The following TENM2 variants were observed in gnomAD, a reference collection of about 807,000 sequenced individuals.
The protein encoded by TENM2 is teneurin transmembrane protein 2, also known as teneurin-2.
TENM2 carries 52 observed loss-of-function variants against 245.2 expected under a neutral mutation model. The observed-to-expected ratio is 0.21, with a 90% CI of 0.17 to 0.27. TENM2 has a LOEUF of 0.27. TENM2 is among the 10% of genes least tolerant of loss of function. The pLI, the probability that TENM2 is intolerant of heterozygous loss-of-function variation, is 1.00. For synonymous variants in TENM2, 1,363 were observed against 1,438.9 expected, an observed-to-expected ratio of 0.95 and a Z score of 1.19; for missense variants, 3,046 against 3,666.8, an observed-to-expected ratio of 0.83 and a Z score of 4.37.
chr5:167,486,076 A>G (rs371827814), intron 2 of TENM2, among the ~76,000 whole-genome samples: 21 of 152,258 alleles, frequency 1.4e-4, no homozygotes, highest in East Asian at 1.4e-3. Flanking sequence ...GAGAAAAAAA[A>G]AATTATGGAA....
chr5:167,262,516 T>C, the TENM2 span, among the ~76,000 whole-genome samples: 1 of 152,088 alleles, frequency 6.6e-6, no homozygotes, highest in Admixed American at 6.6e-5. Context: ...GCATAATTGC[T>C]CCTTCTTTTC....
At position 167,643,058 on chromosome 5, in the gene TENM2, T is replaced by C. The variant is rs60540326; in HGVS notation, c.503-232928T>C. Reference sequence around the variant, plus strand: ...TCTCAAACAGCCTGCCCTGGAATTATTGTTAAATCATCTATGTATTAATTA... The same window carrying C: ...TCTCAAACAGCCTGCCCTGGAATTACTGTTAAATCATCTATGTATTAATTA... On this transcript the variant is annotated intron_variant, in intron 2 of 28. Coordinates refer to ENST00000518659, the Ensembl canonical transcript of TENM2. Among the ~76,000 whole-genome samples, 201 of 152,324 alleles carry C rather than the reference T, an allele frequency of 1.3e-3. 2 individuals are homozygous for C. The East Asian group carries it at 0.03, about 23-fold the overall frequency.
rs1756077099 is a variant in TENM2 at position 167,312,233 on chromosome 5, A to G, written c.226+27170A>G. 2.6e-5 allele frequency among the ~76,000 whole-genome samples: 4 copies of G among 152,252 alleles called. No homozygotes were observed. The South Asian group carries it at 6.2e-4, about 24-fold the overall frequency. The stretch of plus-strand genomic sequence containing the variant: ...TACTTATATATTTGTGTTCATGAAC[A>G]TACATAACATCATAATTTTAAACTA... On this transcript the variant is annotated intron_variant, in intron 1 of 28. Coordinates refer to ENST00000518659, the Ensembl canonical transcript of TENM2.
chr5:167,206,740 T>C, the TENM2 span, among the ~76,000 whole-genome samples: 1 of 152,326 alleles, frequency 6.6e-6, no homozygotes, highest in South Asian at 2.1e-4. Context: ...AAATTGTATT[T>C]ATTCAGTAGT....
At chr5:167,730,009 G>A (rs2150552627) in intron 2 of TENM2, among the ~76,000 whole-genome samples, 1 of 152,218 alleles carries the variant, frequency 6.6e-6, no homozygotes, top group Non-Finnish European at 1.5e-5. Context: ...GCGTCTCCTT[G>A]ATAAGATATT....
chr5:167,132,620 G>C, the TENM2 span, among the ~76,000 whole-genome samples: 1 of 152,136 alleles, frequency 6.6e-6, no homozygotes, highest in African/African-American at 2.4e-5. Flanking sequence ...CCCTGCATTT[G>C]GCATGTGACC....
At chr5:167,410,341 C>A (rs538237074) in intron 2 of TENM2, among the ~76,000 whole-genome samples, 1 of 152,004 alleles carries the variant, frequency 6.6e-6, no homozygotes, top group Non-Finnish European at 1.5e-5. Flanking sequence ...AAATATGGTG[C>A]TCAGAATCAT....
chr5:167,337,123 CAAAAAAAAAAAAAAAAA>C (rs71591174), intron 1 of TENM2, among the ~76,000 whole-genome samples: 2 of 56,668 alleles, frequency 3.5e-5, no homozygotes, highest in Non-Finnish European at 2.8e-5. Flanking sequence ...GACTCCGTCT[CAAAAAAAAAAAAAAAAA>C]AAAAAAAAAA....
At chr5:167,616,172 G>C (rs1162350223) in intron 2 of TENM2, among the ~76,000 whole-genome samples, 1 of 152,140 alleles carries the variant, frequency 6.6e-6, no homozygotes, top group Non-Finnish European at 1.5e-5. Context: ...TCACACCCTA[G>C]TTGTTGCTTC....
chr5:167,165,627 A>G, the TENM2 span, among the ~76,000 whole-genome samples: 1 of 152,230 alleles, frequency 6.6e-6, no homozygotes, highest in African/African-American at 2.4e-5. Flanking sequence ...TCTTATTCTG[A>G]CCATAAAAGA....
intron 7 of TENM2, among the ~76,000 whole-genome samples, chr5:168,079,729 C>A (rs73371978): frequency 1.3e-5 from 2 of 152,274 alleles, no homozygotes; most frequent in Admixed American, 1.3e-4. Flanking sequence ...TGATGGATTG[C>A]ATTTATTGAT....
At chr5:167,903,532 TG>T (rs562762104) in intron 3 of TENM2, among the ~76,000 whole-genome samples, 57 of 13,750 alleles carry the variant, frequency 4.1e-3, no homozygotes, top group Middle Eastern at 0.091. Context: ...GTGGCTGGGG[TG>T]GGGGTGGAGG....
chr5:168,262,851 A>T lies in TENM2; in HGVS notation c.*41A>T, dbSNP rs569905870. 39 of 1,527,642 alleles carry T rather than the reference A, an allele frequency of 2.6e-5. No individual in the cohort carries two copies. The South Asian group carries it at 4.9e-4, about 19-fold the overall frequency. The allele number at this position is 1,527,642 out of a possible 1,614,324, so 94.6% of individuals were successfully genotyped here. A position where few individuals can be genotyped will look rare whatever the true frequency, so the allele number is the denominator to read the frequency against. ...CCATTCCTTGTCTGAATGGCTCAGC[A>T]GGAGTAACTGTTATCTCCTCTCCTA... On this transcript the variant is annotated 3_prime_UTR_variant, in exon 29 of 29. Coordinates refer to ENST00000518659, the Ensembl canonical transcript of TENM2.
intron 8 of TENM2, among the ~76,000 whole-genome samples, chr5:168,093,184 A>C (rs964205155): frequency 6.6e-6 from 1 of 152,192 alleles, no homozygotes; most frequent in Admixed American, 6.5e-5. Flanking sequence ...ATTATTTCCC[A>C]ACAACTTCTG....
At chr5:168,150,280 A>C (rs1438810163) in intron 12 of TENM2, among the ~76,000 whole-genome samples, 1 of 152,250 alleles carries the variant, frequency 6.6e-6, no homozygotes, top group East Asian at 1.9e-4. Flanking sequence ...CTACAGCAGA[A>C]ATCAGCATTT....
intron 1 of TENM2, among the ~76,000 whole-genome samples, chr5:167,286,943 C>T (rs1037615054): frequency 6.6e-6 from 1 of 152,214 alleles, no homozygotes; most frequent in Admixed American, 6.5e-5. Flanking sequence ...ATATCAAACT[C>T]ATAGCTTTGC....
Position 167,601,240 on chromosome 5 carries a change from G to T in TENM2, c.502+225767G>T, listed in dbSNP as rs182492096. On this transcript the variant is annotated intron_variant, in intron 2 of 28. Transcript: ENST00000518659. ...AGAGTGTTCAATAGAACGTCCTGTC[G>T]CACAGTGACGAAAACATTCTAAACT... Among the ~76,000 whole-genome samples the T allele has an allele frequency of 8.3e-4, 126 of 152,330 alleles. 2 individuals carry two copies. Among genetic ancestry groups the T allele is most frequent in the African/African-American group, 3.0e-3 (125 of 41,582 alleles).
At chr5:167,299,624 C>T (rs1755186762) in intron 1 of TENM2, among the ~76,000 whole-genome samples, 1 of 152,164 alleles carries the variant, frequency 6.6e-6, no homozygotes, top group Non-Finnish European at 1.5e-5. Context: ...TGTACTATAG[C>T]ATAGCCTGCC....
chr5:167,897,926 C>T (rs981844477), intron 3 of TENM2, among the ~76,000 whole-genome samples: 4 of 145,208 alleles, frequency 2.8e-5, no homozygotes, highest in Admixed American at 1.4e-4. Context: ...TGCTGGGCAC[C>T]GGGTACTACC....
Sources: allele counts gnomAD v4.1 joint callset (sites outside exome capture counted in the v4.1 genomes callset), GRCh38; gene constraint gnomAD v4.1.1; transcripts MANE v1.5; gene names NCBI Gene and HGNC (gene_info 2026-07-23, HGNC 2026-07-21).